Variants in AKAP9 observed in about 807,000 individuals in gnomAD.
AKAP9 encodes the protein A-kinase anchor protein 9.
Under a neutral mutation model 488.5 loss-of-function variants are expected in AKAP9, and 311 were observed. The observed-to-expected ratio is 0.64, with a 90% CI of 0.58 to 0.70. AKAP9 has a LOEUF of 0.70. AKAP9 is among the 30% of genes least tolerant of loss of function. The probability of loss-of-function intolerance (pLI) is 0.00; values close to 1 mark genes in which losing one functional copy is unlikely to be tolerated. For missense variants in AKAP9, 4,215 were observed against 4,374.5 expected, an observed-to-expected ratio of 0.96 and a Z score of 1.03; for synonymous variants, 1,462 against 1,483.5, an observed-to-expected ratio of 0.99 and a Z score of 0.33.
At chr7:92,023,128 T>C in intron 14 of AKAP9, 119 bp downstream of exon 14, 1 of 1,024,414 alleles carries the variant, frequency 9.8e-7, no homozygotes, top group East Asian at 2.4e-5. Flanking sequence ...AGAGATAGGA[T>C]GTAGCATTTT....
At chr7:91,958,530 T>C (rs1018266883) in intron 1 of AKAP9, among the ~76,000 whole-genome samples, 3 of 152,206 alleles carry the variant, frequency 2.0e-5, no homozygotes, top group Non-Finnish European at 4.4e-5. Flanking sequence ...AGGTGACATC[T>C]AAACAGCACT....
chr7:91,981,179 A>G (rs1351987867), intron 3 of AKAP9, among the ~76,000 whole-genome samples: 1 of 152,194 alleles, frequency 6.6e-6, no homozygotes, highest in East Asian at 1.9e-4. Flanking sequence ...AGTTGCCTCT[A>G]TGGGAAGTAT....
intron 8 of AKAP9, among the ~76,000 whole-genome samples, chr7:92,005,729 G>T (rs929829413): frequency 6.6e-6 from 1 of 152,100 alleles, no homozygotes; most frequent in Non-Finnish European, 1.5e-5. Context: ...GCAGTGGCGT[G>T]ATCTCAGCTC....
rs1818875691 is a variant in AKAP9, at chr7:92,108,410, T to TG, written c.11547-80dup. 18 of 1,411,186 alleles carry TG rather than the reference T, an allele frequency of 1.3e-5. No homozygotes were observed. In the South Asian group the frequency reaches 2.1e-4, roughly 16 times the overall value. 87.4% of individuals were successfully genotyped at this position (1,411,186 alleles called of 1,614,324 possible). ...TGTGTGTACAAGTGACCCACCTTTTTGGGGAAGGGAGTGGAGGCAGGTTGG... is the reference window on the plus strand; with the variant it reads ...TGTGTGTACAAGTGACCCACCTTTTTGGGGGAAGGGAGTGGAGGCAGGTTGG... On this transcript the variant is annotated intron_variant, in intron 48 of 49. Transcript: ENST00000356239.
intron 20 of AKAP9, chr7:92,043,490 T>A (rs1806458750): frequency 7.8e-6 from 2 of 256,268 alleles, no homozygotes; most frequent in Non-Finnish European, 1.2e-5. Flanking sequence ...TTTCTAGGAA[T>A]TTTTATAGTA....
chr7:91,948,710 CA>C (rs1791816281), intron 1 of AKAP9, among the ~76,000 whole-genome samples: 1 of 149,650 alleles, frequency 6.7e-6, no homozygotes, highest in South Asian at 2.1e-4. Context: ...CTCCTGGGTT[CA>C]AGTGATTCTC....
chr7:91,946,574 A>G (rs1002565649), intron 1 of AKAP9, among the ~76,000 whole-genome samples: 4 of 152,054 alleles, frequency 2.6e-5, no homozygotes, highest in African/African-American at 9.7e-5. Context: ...GGATTTCACC[A>G]TGTTGCCCAG....
At chr7:91,997,692 T>C (rs1386819258) in intron 7 of AKAP9, among the ~76,000 whole-genome samples, 1 of 152,168 alleles carries the variant, frequency 6.6e-6, no homozygotes, top group Admixed American at 6.5e-5. Flanking sequence ...AATCTAGGAC[T>C]AGGTGAGAAG....
chr7:92,063,432 C>CTT (rs35933206), intron 24 of AKAP9: 8,721 of 899,758 alleles, frequency 9.7e-3, no homozygotes, highest in Middle Eastern at 0.012. Flanking sequence ...TTTGTTGTGT[C>CTT]TTTTTTTTTT....
intron 41 of AKAP9, 75 bp from the exon 42 acceptor site, chr7:92,097,511 G>A: frequency 5.9e-6 from 9 of 1,533,172 alleles, no homozygotes; most frequent in African/African-American, 1.4e-5. Flanking sequence ...AACAATAATT[G>A]TGTTCCCTTA....
Position 92,022,813 on chromosome 7 carries a change from G to A in AKAP9, c.3953-1G>A. 1 of 1,566,582 alleles carries A rather than the reference G, an allele frequency of 6.4e-7. No individual in the cohort carries two copies. Among genetic ancestry groups the A allele is most frequent in the East Asian group, 2.2e-5 (1 of 44,620 alleles). On this transcript the variant is annotated splice_acceptor_variant, in intron 13 of 49. Transcript: ENST00000356239. LOFTEE classifies it high-confidence loss of function. ...ATTTTTTGTCTCTTTATATAACATA[G>A]ATGTCAATCATAAAAGCAAGTTATC... is the stretch of plus-strand genomic sequence containing the variant.
chr7:91,973,821 T>C lies in AKAP9; in HGVS notation c.159T>C (p.His53=). The change falls in exon 2 of 50, where the codon CAT becomes CAC. Residue 53 remains histidine (H), a synonymous_variant. Transcript: ENST00000356239. The stretch of plus-strand genomic sequence containing the variant: ...GTAAACATGATGTGTCAGCACACCA[T>C]GATTTGAATATTGATCAATCACAGT... ...SSSKHDVSAH[H]DLNIDQSQCN... is the part of the protein sequence containing the mutation. 1 of 1,614,146 alleles carries C rather than the reference T, an allele frequency of 6.2e-7. No homozygotes were observed. Among genetic ancestry groups the C allele is most frequent in the Non-Finnish European group, 8.5e-7 (1 of 1,180,016 alleles).
rs146689649 is a variant in AKAP9, at chr7:92,019,442, C to CTTAT, written c.3837+2362_3837+2365dup. ...GGCATGAGCCACCACACCCGACCTA[C>CTTAT]TTATTTATTTATTTATTTATTTATT... On this transcript the variant is annotated intron_variant, in intron 12 of 49. Coordinates refer to ENST00000356239, the MANE Select transcript of AKAP9 (RefSeq NM_005751.5). 7.1e-4 allele frequency among the ~76,000 whole-genome samples: 108 copies of CTTAT among 151,720 alleles called. No homozygotes were observed. The South Asian group carries it at 0.01, about 14-fold the overall frequency.
rs139336484 is a variant in AKAP9, at chr7:91,944,362, A to G, written c.48+3215A>G. Among the ~76,000 whole-genome samples, 1,105 of 151,638 alleles carry G rather than the reference A, an allele frequency of 7.3e-3. 10 individuals carry two copies. The highest frequency in any genetic ancestry group is 9.1e-3 in the Non-Finnish European group (615 of 67,908). ...ATTTTCCAAATTCTTGATACAATGT[A>G]TCTCTTTTATGACCAGAAAAGAATA... On this transcript the variant is annotated intron_variant, in intron 1 of 49. Coordinates refer to ENST00000356239, the MANE Select transcript of AKAP9 (RefSeq NM_005751.5).
chr7:91,978,681 C>T (rs747393061), intron 2 of AKAP9, among the ~76,000 whole-genome samples: 9 of 151,870 alleles, frequency 5.9e-5, no homozygotes, highest in African/African-American at 1.5e-4. Flanking sequence ...TTAGTTATTA[C>T]TTTTTTTAGC....
At chr7:92,100,370 A>G (rs987859506) in intron 44 of AKAP9, among the ~76,000 whole-genome samples, 5 of 152,264 alleles carry the variant, frequency 3.3e-5, no homozygotes, top group African/African-American at 9.6e-5. Context: ...AAAAACAGGT[A>G]TAAAATTAAT....
intron 1 of AKAP9, among the ~76,000 whole-genome samples, chr7:91,950,107 T>C (rs1357052659): frequency 6.6e-6 from 1 of 152,164 alleles, no homozygotes; most frequent in African/African-American, 2.4e-5. Context: ...ACTAATAGGG[T>C]ATAAAATCTA....
At chr7:91,962,841 TA>T (rs1793887006) in intron 1 of AKAP9, among the ~76,000 whole-genome samples, 2 of 152,214 alleles carry the variant, frequency 1.3e-5, no homozygotes, top group Non-Finnish European at 2.9e-5. Flanking sequence ...TCGAACTGTT[TA>T]TGATGCAAAG....
At chr7:92,062,115 A>G (rs746463564) in intron 23 of AKAP9, among the ~76,000 whole-genome samples, 159 bp from the exon 24 acceptor site, 2 of 152,222 alleles carry the variant, frequency 1.3e-5, no homozygotes, top group Non-Finnish European at 2.9e-5. Flanking sequence ...TTAAAGGTTG[A>G]TAGTTGCTGT....
Sources: gnomAD v4.1 joint callset for allele counts (sites outside exome capture counted in the v4.1 genomes callset) on GRCh38, gnomAD v4.1.1 for gene constraint, MANE v1.5 for transcripts, NCBI Gene and HGNC (gene_info 2026-07-23, HGNC 2026-07-21) for gene names.